Variants in SVEP1 observed in about 807,000 individuals in gnomAD.
SVEP1 encodes sushi, von Willebrand factor type A, EGF and pentraxin domain-containing protein 1.
SVEP1 carries 164 observed loss-of-function variants against 367.3 expected under a neutral mutation model. The ratio of observed to expected loss-of-function variants is 0.45; its 90% CI spans 0.39 to 0.51. The LOEUF (loss-of-function observed/expected upper bound fraction) is 0.51, where lower values mean the gene tolerates loss of function less well. Among genes scored for constraint, SVEP1 ranks in the 20% least tolerant of loss-of-function variants. SVEP1 has a pLI of 0.00. For synonymous variants in SVEP1, 1,666 were observed against 1,611.6 expected, an observed-to-expected ratio of 1.03 and a Z score of -0.81; for missense variants, 4,117 against 4,425.3, an observed-to-expected ratio of 0.93 and a Z score of 1.98.
intron 3 of SVEP1, among the ~76,000 whole-genome samples, chr9:110,519,655 T>C (rs1202192127): frequency 4.6e-5 from 7 of 152,166 alleles, no homozygotes; most frequent in Admixed American, 3.9e-4. Flanking sequence ...GTCCAGCCAA[T>C]TGCCTGAGCT....
At position 110,390,154 on chromosome 9, in the gene SVEP1, C is replaced by G. The variant is rs574564516; in HGVS notation, c.9823-567G>C. On this transcript the variant is annotated intron_variant, in intron 40 of 47. Transcript: ENST00000374469. ...ATATAAGTATATATACAAGTATATA[C>G]ATACATACTTATATAAGTATGTATG... Among the ~76,000 whole-genome samples, 75 of 77,842 alleles carry G rather than the reference C, an allele frequency of 9.6e-4. 1 individual carries two copies. Among genetic ancestry groups the G allele is most frequent in the African/African-American group, 3.3e-3 (66 of 19,840 alleles). The allele number at this position is 77,842 out of a possible 152,430, so 51.1% of individuals were successfully genotyped here. A position where few individuals can be genotyped will look rare whatever the true frequency, so the allele number is the denominator to read the frequency against.
Position 110,385,907 on chromosome 9 carries a change from T to G in SVEP1, c.10228A>C (p.Lys3410Gln), listed in dbSNP as rs759777457. 1.5e-5 allele frequency: 24 copies of G among 1,612,522 alleles called. No individual in the cohort carries two copies. The South Asian group carries it at 2.5e-4, about 17-fold the overall frequency. Reference protein sequence around the residue: ...PDETWTQTSAKCEKISCGPPA... With the variant: ...PDETWTQTSAQCEKISCGPPA... Reference sequence around the variant, plus strand: ...CCGCCTGCTGACTTACTTTCACATTTGGCGCTTGTCTGTGTCCACGTCTCG... The same window carrying G: ...CCGCCTGCTGACTTACTTTCACATTGGGCGCTTGTCTGTGTCCACGTCTCG... The change falls in exon 43 of 48, where the codon AAA becomes CAA. Residue 3410 changes from lysine to glutamine, a missense_variant. Lys to Gln is a moderately conservative substitution (Grantham distance 53, BLOSUM62 1). Transcript: ENST00000374469.
intron 3 of SVEP1, among the ~76,000 whole-genome samples, chr9:110,530,446 T>C (rs1830003001): frequency 2.0e-5 from 3 of 152,206 alleles, no homozygotes; most frequent in Admixed American, 2.0e-4. Context: ...TGATGAAAAG[T>C]ATACATAAGT....
chr9:110,560,266 G>A (rs898196416), intron 1 of SVEP1, among the ~76,000 whole-genome samples: 5 of 152,166 alleles, frequency 3.3e-5, no homozygotes, highest in African/African-American at 4.8e-5. Context: ...TAGGTGATTA[G>A]TAGGCTATAC....
chr9:110,468,664 T>C (rs900054226), intron 17 of SVEP1, among the ~76,000 whole-genome samples: 1 of 152,246 alleles, frequency 6.6e-6, no homozygotes, highest in African/African-American at 2.4e-5. Context: ...CCACCTAGCT[T>C]ATTCCCAATA....
intron 36 of SVEP1, 120 bp from the exon 37 acceptor site, chr9:110,411,855 A>C (rs1281169510): frequency 2.1e-6 from 2 of 969,944 alleles, no homozygotes; most frequent in Admixed American, 3.3e-5. Flanking sequence ...TTAAAATAAT[A>C]TTTCCTCTTT....
At chr9:110,551,051 A>G (rs1034926288) in intron 1 of SVEP1, among the ~76,000 whole-genome samples, 5 of 152,206 alleles carry the variant, frequency 3.3e-5, no homozygotes, top group Non-Finnish European at 7.3e-5. Context: ...AGAAATTCCT[A>G]TTAAAAAATA....
chr9:110,448,162 T>TGC (rs1828635285), intron 24 of SVEP1, among the ~76,000 whole-genome samples: 2 of 43,202 alleles, frequency 4.6e-5, no homozygotes, highest in East Asian at 4.4e-3. Context: ...CGTGTGTGTG[T>TGC]GCGCGCGCTC....
chr9:110,367,091 C>T (rs1470128068), intron 47 of SVEP1, among the ~76,000 whole-genome samples: 2 of 152,204 alleles, frequency 1.3e-5, no homozygotes, highest in Non-Finnish European at 2.9e-5. Flanking sequence ...GACATTCATG[C>T]CAGGAAATTG....
intron 27 of SVEP1, 154 bp downstream of exon 27, chr9:110,443,391 C>A: frequency 5.7e-6 from 4 of 698,314 alleles, no homozygotes; most frequent in South Asian, 4.4e-5. Flanking sequence ...TTCTAATAAC[C>A]CACAGTTAGG....
chr9:110,470,431 CTTATT>C (rs1828998947), intron 16 of SVEP1, among the ~76,000 whole-genome samples: 1 of 151,896 alleles, frequency 6.6e-6, no homozygotes, highest in Non-Finnish European at 1.5e-5. Context: ...TACTTACTGT[CTTATT>C]TTATTTTTAT....
chr9:110,400,375 T>TC (rs1827839116), intron 40 of SVEP1, among the ~76,000 whole-genome samples: 1 of 151,938 alleles, frequency 6.6e-6, no homozygotes, highest in Non-Finnish European at 1.5e-5. Flanking sequence ...TTTTGCTTTT[T>TC]TTTTTTCTTT....
rs182001280 is a variant in SVEP1 at position 110,487,009 on chromosome 9, T to C, written c.1930+2641A>G. Among the ~76,000 whole-genome samples the C allele has an allele frequency of 2.0e-3, 309 of 151,956 alleles. 2 individuals are homozygous for C. The highest frequency in any genetic ancestry group is 6.9e-3 in the African/African-American group (287 of 41,416). ...TTTGCTCTTGTTGCCCAGGCTGGAG[T>C]GCAATGGTGCGATCTCAGCTCACCG... On this transcript the variant is annotated intron_variant, in intron 9 of 47. Transcript: ENST00000374469.
Position 110,366,406 on chromosome 9 carries a change from A to G in SVEP1, c.*133T>C. The G allele has an allele frequency of 1.2e-6, 1 of 812,712 alleles. No individual in the cohort carries two copies. Among genetic ancestry groups the G allele is most frequent in the Non-Finnish European group, 1.7e-6 (1 of 572,634 alleles). 50.3% of individuals were successfully genotyped at this position (812,712 alleles called of 1,614,324 possible). On this transcript the variant is annotated 3_prime_UTR_variant, in exon 48 of 48. Transcript: ENST00000374469. ...AAATATATCACAAAATAAAAAAAGT[A>G]ACCCCAAGTAACAAGTTTACTAAAC...
intron 47 of SVEP1, among the ~76,000 whole-genome samples, chr9:110,368,904 TTTAA>T (rs1167856109): frequency 6.6e-6 from 1 of 152,220 alleles, no homozygotes; most frequent in African/African-American, 2.4e-5. Context: ...TAGGTTTTAC[TTTAA>T]TTGCTTTTTT....
intron 3 of SVEP1, among the ~76,000 whole-genome samples, chr9:110,533,211 G>A (rs10759438): frequency 0.72 from 109,209 of 151,996 alleles, 40,086 homozygotes; most frequent in Admixed American, 0.79. Flanking sequence ...TGGCCCAGAG[G>A]TTGGGAACTC....
intron 8 of SVEP1, among the ~76,000 whole-genome samples, chr9:110,491,798 G>A (rs1829370800): frequency 6.6e-6 from 1 of 151,858 alleles, no homozygotes; most frequent in South Asian, 2.1e-4. Flanking sequence ...CGAATCATCA[G>A]TGTTCCTAAA....
intron 3 of SVEP1, among the ~76,000 whole-genome samples, chr9:110,537,268 T>C (rs749345426): frequency 5.9e-5 from 9 of 151,922 alleles, no homozygotes; most frequent in Non-Finnish European, 1.3e-4. Flanking sequence ...GGAAATAAAA[T>C]TGATGTTGTA....
At chr9:110,516,018 C>G (rs533076402) in intron 3 of SVEP1, among the ~76,000 whole-genome samples, 1 of 151,946 alleles carries the variant, frequency 6.6e-6, no homozygotes, top group Non-Finnish European at 1.5e-5. Context: ...CAATTCAGAA[C>G]CAGAGTCCAT....
Sources: allele counts gnomAD v4.1 joint callset (sites outside exome capture counted in the v4.1 genomes callset), GRCh38; gene constraint gnomAD v4.1.1; transcripts MANE v1.5; gene names NCBI Gene and HGNC (gene_info 2026-07-23, HGNC 2026-07-21).